The following ARAP2 variants were observed in gnomAD, a reference collection of about 807,000 sequenced individuals.
ARAP2 encodes the protein ArfGAP with RhoGAP domain, ankyrin repeat and PH domain 2.
ARAP2 carries 148 observed loss-of-function variants against 194.5 expected under a neutral mutation model. That is an observed-to-expected ratio of 0.76 (90% CI 0.67 to 0.87). The LOEUF is 0.87. Among genes scored for constraint, ARAP2 ranks in the 40% least tolerant of loss-of-function variants. The pLI, the probability that ARAP2 is intolerant of heterozygous loss-of-function variation, is 0.00. For missense variants in ARAP2, 2,128 were observed against 1,989.7 expected (o/e 1.07, Z -1.32); for synonymous variants, 695 against 683.5 (o/e 1.02, Z -0.26).
intron 24 of ARAP2, 136 bp downstream of exon 24, chr4:36,119,514 A>G (rs1044990323): frequency 1.9e-6 from 1 of 518,520 alleles, no homozygotes; most frequent in Non-Finnish European, 3.3e-6. Flanking sequence ...TACACAACCA[A>G]TTAGTTTTTT....
At chr4:36,160,007 G>A (rs1255267471) in intron 13 of ARAP2, 3 of 853,558 alleles carry the variant, frequency 3.5e-6, no homozygotes, top group African/African-American at 1.8e-5. Flanking sequence ...GGATAGGAAG[G>A]AGGAAGAACA....
chr4:36,073,711 G>A lies in ARAP2; in HGVS notation c.4721C>T (p.Thr1574Ile). 6.2e-7 allele frequency: 1 copy of A among 1,611,922 alleles called. No individual in the cohort carries two copies. The highest frequency in any genetic ancestry group is 8.5e-7 in the Non-Finnish European group (1 of 1,178,642). ...TACCTCAATATTTTTCCGGGCCAAG[G>A]TTGCATTCCCCTCATGCTGTATAGG... ...LIPIQHEGNA[T>I]LARKNIESAR... The change falls in exon 32 of 33, where the codon ACC (threonine) becomes ATC (isoleucine). Residue 1574 changes from threonine (T) to isoleucine (I), a missense_variant. By Grantham distance (89) the Thr-to-Ile change is moderately conservative (BLOSUM62 -1). Coordinates refer to ENST00000303965, the MANE Select transcript of ARAP2 (RefSeq NM_015230.4).
chr4:36,017,723 CAG>C (rs1255655327), intron 6 of ARAP2, among the ~76,000 whole-genome samples: 10 of 151,986 alleles, frequency 6.6e-5, no homozygotes, highest in African/African-American at 2.4e-4. Context: ...AGCAAGATGT[CAG>C]AGAGTGGTAA....
chr4:36,212,766 C>T (rs1229751026), intron 4 of ARAP2, among the ~76,000 whole-genome samples: 1 of 151,730 alleles, frequency 6.6e-6, no homozygotes, highest in Non-Finnish European at 1.5e-5. Context: ...TGTACTTTTA[C>T]TCCTTGATTC....
intron 5 of ARAP2, among the ~76,000 whole-genome samples, chr4:36,036,594 C>T (rs1034573276): frequency 6.6e-6 from 1 of 152,016 alleles, no homozygotes; most frequent in Non-Finnish European, 1.5e-5. Flanking sequence ...AATAAATTAT[C>T]TCTATACCAC....
Position 36,165,084 on chromosome 4 carries a change from T to C in ARAP2, c.2003A>G (p.Gln668Arg), listed in dbSNP as rs1734965185. Residue 668 changes from glutamine (Q) to arginine (R), a missense_variant, in exon 11 of 33, where the codon CAA becomes CGA. Physicochemically the swap from Gln to Arg is conservative, Grantham distance 43. Transcript: ENST00000303965. The stretch of plus-strand genomic sequence containing the variant: ...TTGCTGCACAGCTTCAATCCAGTCT[T>C]GTTTCTCCTTTTCAGTCTCGGCTGT... ...SFTAETEKEKQDWIEAVQQSI... is the reference protein window; with the variant it reads ...SFTAETEKEKRDWIEAVQQSI... 1.2e-6 allele frequency: 2 copies of C among 1,614,116 alleles called. No homozygotes were observed. Among genetic ancestry groups the C allele is most frequent in the Non-Finnish European group, 8.5e-7 (1 of 1,179,930 alleles).
intron 8 of ARAP2, among the ~76,000 whole-genome samples, chr4:36,014,332 A>AG (rs1715334194): frequency 1.7e-5 from 1 of 58,834 alleles, no homozygotes; most frequent in African/African-American, 5.8e-5. Flanking sequence ...GAGAGAAAGA[A>AG]AGAAAGAAAG....
intron 26 of ARAP2, among the ~76,000 whole-genome samples, chr4:36,110,067 GT>G (rs1202903653): frequency 6.6e-6 from 1 of 151,740 alleles, no homozygotes; most frequent in Non-Finnish European, 1.5e-5. Context: ...GATCACAAAG[GT>G]TTTGCCCCTT....
chr4:36,175,642 T>G (rs556020457), intron 9 of ARAP2, among the ~76,000 whole-genome samples: 20 of 151,994 alleles, frequency 1.3e-4, no homozygotes, highest in East Asian at 1.2e-3. Context: ...ATTTTAAAGG[T>G]GTGTGTGTGT....
At chr4:36,195,701 C>T (rs1742920722) in intron 6 of ARAP2, among the ~76,000 whole-genome samples, 1 of 152,224 alleles carries the variant, frequency 6.6e-6, no homozygotes. Context: ...CTTTCAGTTA[C>T]ATCTAAACCA....
chr4:36,227,947 C>T (rs1345624199), intron 2 of ARAP2, among the ~76,000 whole-genome samples: 2 of 152,106 alleles, frequency 1.3e-5, no homozygotes, highest in Non-Finnish European at 2.9e-5. Flanking sequence ...TTACTACCTG[C>T]GTATAAGAAC....
At chr4:36,072,220 A>T (rs567332964) in intron 32 of ARAP2, among the ~76,000 whole-genome samples, 6 of 152,232 alleles carry the variant, frequency 3.9e-5, no homozygotes, top group Admixed American at 3.3e-4. Context: ...ACTACCTTAT[A>T]TTTACTAATC....
chr4:36,014,300 G>GAAAGAAAGAAAGAA (rs1560264638), intron 8 of ARAP2, among the ~76,000 whole-genome samples: 23 of 74,550 alleles, frequency 3.1e-4, no homozygotes, highest in Non-Finnish European at 5.1e-4. Context: ...AAAGAAAGAA[G>GAAAGAAAGAAAGAA]AGAAGGAAGG....
chr4:36,230,846 C>T (rs573755494), intron 1 of ARAP2, among the ~76,000 whole-genome samples: 20 of 152,256 alleles, frequency 1.3e-4, no homozygotes, highest in South Asian at 1.0e-3. Flanking sequence ...CCATAAGCTA[C>T]GGCTTCAACT....
exon 9 of ARAP2, chr4:36,012,684 G>T (rs1449044831): frequency 6.6e-6 from 1 of 152,136 alleles, no homozygotes; most frequent in African/African-American, 2.4e-5. Context: ...TTTCCAAAGG[G>T]CATACTTCTT....
intron 20 of ARAP2, among the ~76,000 whole-genome samples, chr4:36,130,817 C>G (rs117006937): frequency 6.6e-6 from 1 of 152,006 alleles, no homozygotes; most frequent in East Asian, 1.9e-4. Context: ...CAAGAATAAG[C>G]AAGTTCTACA....
chr4:36,122,515 C>G lies in ARAP2; in HGVS notation c.3747-1189G>C, dbSNP rs185337144. ...TATCCTTAGCAAACTAACACAGGAA[C>G]AGAAAACCAAATACTGTATATTCTC... On this transcript the variant is annotated intron_variant, in intron 22 of 32. Coordinates refer to ENST00000303965, the MANE Select transcript of ARAP2 (RefSeq NM_015230.4). Among the ~76,000 whole-genome samples, 606 of 151,852 alleles carry G rather than the reference C, an allele frequency of 4.0e-3. 7 individuals are homozygous for G. Among genetic ancestry groups the G allele is most frequent in the African/African-American group, 0.014 (568 of 41,468 alleles).
chr4:36,093,970 T>C (rs1011406207), intron 27 of ARAP2, among the ~76,000 whole-genome samples: 1 of 152,182 alleles, frequency 6.6e-6, no homozygotes, highest in Admixed American at 6.6e-5. Context: ...AGTTTAAACC[T>C]AACATATCAC....
intron 26 of ARAP2, among the ~76,000 whole-genome samples, chr4:36,108,650 A>G (rs1719056807): frequency 6.6e-6 from 1 of 152,020 alleles, no homozygotes; most frequent in African/African-American, 2.4e-5. Flanking sequence ...TCATAATTTT[A>G]AATGCAGCAT....
Sources: gnomAD v4.1 joint callset for allele counts (sites outside exome capture counted in the v4.1 genomes callset) on GRCh38, gnomAD v4.1.1 for gene constraint, MANE v1.5 for transcripts, NCBI Gene and HGNC (gene_info 2026-07-23, HGNC 2026-07-21) for gene names.